Variants in SMAP1 observed in about 807,000 individuals in gnomAD.
The protein encoded by SMAP1 is small ArfGAP 1, also known as stromal membrane-associated protein 1.
SMAP1 carries 24 observed loss-of-function variants against 58.5 expected under a neutral mutation model. The ratio of observed to expected loss-of-function variants is 0.41; its 90% CI spans 0.30 to 0.58. The LOEUF (loss-of-function observed/expected upper bound fraction) is 0.58, where lower values mean the gene tolerates loss of function less well. Among genes scored for constraint, SMAP1 ranks in the 20% least tolerant of loss-of-function variants. The probability of loss-of-function intolerance (pLI) is 0.29; values close to 1 mark genes in which losing one functional copy is unlikely to be tolerated. For synonymous variants in SMAP1, 216 were observed against 196.6 expected (o/e 1.10, Z -0.82); for missense variants, 563 against 566.3 (o/e 0.99, Z 0.06).
intron 3 of SMAP1, among the ~76,000 whole-genome samples, chr6:70,761,295 G>C (rs1339981481): frequency 6.6e-6 from 1 of 151,960 alleles, no homozygotes; most frequent in Non-Finnish European, 1.5e-5. Flanking sequence ...TGTAGGCATG[G>C]GGAAGATTCT....
intron 4 of SMAP1, among the ~76,000 whole-genome samples, chr6:70,775,118 C>T (rs889849005): frequency 6.6e-6 from 1 of 151,894 alleles, no homozygotes; most frequent in African/African-American, 2.4e-5. Flanking sequence ...GTGAGGAAAT[C>T]TGTTGAAGGG....
At chr6:70,693,049 C>T (rs375136671) in intron 1 of SMAP1, among the ~76,000 whole-genome samples, 23 of 152,120 alleles carry the variant, frequency 1.5e-4, no homozygotes, top group African/African-American at 5.1e-4. Context: ...TCCCAAAGTG[C>T]TGGGATTACA....
At chr6:70,775,528 G>A (rs942745336) in intron 4 of SMAP1, among the ~76,000 whole-genome samples, 19 of 152,136 alleles carry the variant, frequency 1.2e-4, no homozygotes, top group African/African-American at 4.6e-4. Flanking sequence ...TAAATGTTAT[G>A]ATACCTAACA....
chr6:70,722,429 T>G (rs975779651), intron 1 of SMAP1, among the ~76,000 whole-genome samples: 2 of 152,260 alleles, frequency 1.3e-5, no homozygotes, highest in African/African-American at 4.8e-5. Context: ...TGTCCTCCTT[T>G]CATATTTACT....
At chr6:70,837,172 T>A (rs951625929) in intron 7 of SMAP1, 144 bp downstream of exon 7, 2 of 530,760 alleles carry the variant, frequency 3.8e-6, no homozygotes, top group Non-Finnish European at 6.2e-6. Flanking sequence ...GTTTGCTAAC[T>A]TCCCACAAAA....
intron 10 of SMAP1, chr6:70,859,471 TTA>T (rs1264644139): frequency 8.7e-7 from 1 of 1,146,252 alleles, no homozygotes; most frequent in African/African-American, 1.5e-5. Flanking sequence ...GTGATGTAGT[TTA>T]TGTTAGTGTC....
In SMAP1 at chr6:70,771,242, C is replaced by A. The variant is rs538361751; in HGVS notation, c.339-2108C>A. Among the ~76,000 whole-genome samples, 11 of 152,352 alleles carry A rather than the reference C, an allele frequency of 7.2e-5. No individual in the cohort carries two copies. In the South Asian group the frequency reaches 2.1e-3, roughly 29 times the overall value. ...GGAGGCAGTCTGCCCATTCTCAGAT[C>A]TCCAGCTGTGTGCTGGGAGCACCAC... On this transcript the variant is annotated intron_variant, in intron 3 of 10. Transcript: ENST00000370455.
intron 7 of SMAP1, among the ~76,000 whole-genome samples, chr6:70,848,707 T>G (rs1220312399): frequency 1.3e-5 from 2 of 152,210 alleles, no homozygotes; most frequent in South Asian, 2.1e-4. Flanking sequence ...AGGATGAATG[T>G]GATGTTTATA....
In SMAP1 at chr6:70,785,846, G is replaced by A. The variant is rs1427714786; in HGVS notation, c.415-5843G>A. ...ACCAAAAAGAGTTCAGGACCAGATG[G>A]ATTCACAGCCGAATTCTACCAGAGG... is the stretch of plus-strand genomic sequence containing the variant. On this transcript the variant is annotated intron_variant, in intron 4 of 10. Coordinates refer to ENST00000370455, the MANE Select transcript of SMAP1 (RefSeq NM_001044305.3). Among the ~76,000 whole-genome samples the A allele has an allele frequency of 2.0e-5, 3 of 152,196 alleles. No homozygotes were observed. In the South Asian group the frequency reaches 6.2e-4, roughly 31 times the overall value.
At chr6:70,782,858 C>G (rs556552763) in intron 4 of SMAP1, among the ~76,000 whole-genome samples, 4 of 152,154 alleles carry the variant, frequency 2.6e-5, no homozygotes, top group Admixed American at 2.6e-4. Flanking sequence ...ATAGGAACAG[C>G]TCCGGTCTAC....
At chr6:70,708,366 C>T (rs1767923571) in intron 1 of SMAP1, among the ~76,000 whole-genome samples, 1 of 152,134 alleles carries the variant, frequency 6.6e-6, no homozygotes, top group African/African-American at 2.4e-5. Flanking sequence ...GTTCATTCAT[C>T]CGTTGATGGA....
intron 1 of SMAP1, among the ~76,000 whole-genome samples, chr6:70,691,027 A>G (rs576458263): frequency 6.6e-6 from 1 of 152,082 alleles, no homozygotes; most frequent in Non-Finnish European, 1.5e-5. Flanking sequence ...ATATTAGGCC[A>G]TTCAGGTTAT....
intron 1 of SMAP1, among the ~76,000 whole-genome samples, chr6:70,715,731 C>G (rs1768241263): frequency 6.6e-6 from 1 of 152,004 alleles, no homozygotes. Flanking sequence ...CACTTTATTT[C>G]TATTTTATTT....
At chr6:70,749,190 G>A (rs889678521) in intron 2 of SMAP1, among the ~76,000 whole-genome samples, 3 of 152,094 alleles carry the variant, frequency 2.0e-5, no homozygotes, top group South Asian at 2.1e-4. Flanking sequence ...AGAGAGAAGC[G>A]TGCAGGGGAA....
chr6:70,725,093 G>GTTTTTTTTTTGTTT (rs1768710801), intron 1 of SMAP1, among the ~76,000 whole-genome samples: 1 of 47,778 alleles, frequency 2.1e-5, no homozygotes. Context: ...ATTAACCAGT[G>GTTTTTTTTTTGTTT]TTTTTTTTTT....
At chr6:70,849,840 GT>G (rs1290406716) in intron 7 of SMAP1, among the ~76,000 whole-genome samples, 5 of 152,118 alleles carry the variant, frequency 3.3e-5, no homozygotes, top group Non-Finnish European at 7.4e-5. Context: ...GGTACTTTTA[GT>G]TTCTTCATTT....
intron 4 of SMAP1, among the ~76,000 whole-genome samples, chr6:70,791,155 C>G (rs905070530): frequency 2.0e-5 from 3 of 152,190 alleles, no homozygotes; most frequent in African/African-American, 7.2e-5. Context: ...TGTTATATTA[C>G]ATTAATCTGC....
intron 3 of SMAP1, among the ~76,000 whole-genome samples, chr6:70,770,355 G>C (rs1242069576): frequency 6.6e-6 from 1 of 152,172 alleles, no homozygotes; most frequent in Non-Finnish European, 1.5e-5. Context: ...TTCGACCTTG[G>C]TTCCATTCTC....
At chr6:70,766,592 G>T (rs181304040) in intron 3 of SMAP1, among the ~76,000 whole-genome samples, 4,256 of 151,920 alleles carry the variant, frequency 0.028, 79 homozygotes, top group Non-Finnish European at 0.043. Flanking sequence ...TTGATGGGGT[G>T]GTTTGTTTTT....
Sources: gnomAD v4.1 joint callset for allele counts (sites outside exome capture counted in the v4.1 genomes callset) on GRCh38, gnomAD v4.1.1 for gene constraint, MANE v1.5 for transcripts, NCBI Gene and HGNC (gene_info 2026-07-23, HGNC 2026-07-21) for gene names.